Variants in BRWD1 observed in about 807,000 individuals in gnomAD.
BRWD1 encodes bromodomain and WD repeat-containing protein 1.
A neutral mutation model predicts 251.2 loss-of-function variants in BRWD1; 82 were observed. That is an observed-to-expected ratio of 0.33 (90% CI 0.27 to 0.39). The LOEUF is 0.39. Among genes scored for constraint, BRWD1 ranks in the 10% least tolerant of loss-of-function variants. The pLI, the probability that BRWD1 is intolerant of heterozygous loss-of-function variation, is 1.00. For synonymous variants in BRWD1, 918 were observed against 902.8 expected (o/e 1.02, Z -0.30); for missense variants, 2,233 against 2,711.6 (o/e 0.82, Z 3.92).
chr21:39,197,674 A>T (rs529698283), intron 40 of BRWD1, among the ~76,000 whole-genome samples: 1 of 152,256 alleles, frequency 6.6e-6, no homozygotes, highest in South Asian at 2.1e-4. Flanking sequence ...CCTACTACAC[A>T]TCTAGGTTAT....
chr21:39,208,664 T>C (rs1377248743), intron 36 of BRWD1, among the ~76,000 whole-genome samples: 1 of 152,132 alleles, frequency 6.6e-6, no homozygotes, highest in Non-Finnish European at 1.5e-5. Flanking sequence ...GTGGCTCTCA[T>C]GCCTCATTTC....
At position 39,194,625 on chromosome 21, in the gene BRWD1, TCTA is replaced by T; in HGVS notation, c.*1631_*1633del. ...ATCAGAGTAGAAAGAAAATGTACCT[TCTA>T]CTATGTCAAATGGAATAGATAACTA... On this transcript the variant is annotated 3_prime_UTR_variant, in exon 41 of 41. Transcript: ENST00000342449. 3.3e-6 allele frequency: 5 copies of T among 1,526,082 alleles called. No individual in the cohort carries two copies. The highest frequency in any genetic ancestry group is 2.6e-6 in the Non-Finnish European group (3 of 1,141,338). 94.5% of individuals were successfully genotyped at this position (1,526,082 alleles called of 1,614,324 possible).
chr21:39,228,234 G>A (rs2033461852), intron 27 of BRWD1, among the ~76,000 whole-genome samples: 1 of 152,144 alleles, frequency 6.6e-6, no homozygotes, highest in African/African-American at 2.4e-5. Context: ...GTTGCAGTGA[G>A]CTGAGATCAC....
Position 39,190,129 on chromosome 21 carries a change from G to C in BRWD1, c.*6130C>G, listed in dbSNP as rs1173586475. 1 of 984,634 alleles carries C rather than the reference G, an allele frequency of 1.0e-6. No homozygotes were observed. The highest frequency in any genetic ancestry group is 1.2e-6 in the Non-Finnish European group (1 of 829,470). The allele number at this position is 984,634 out of a possible 1,614,324, so 61.0% of individuals were successfully genotyped here. A position where few individuals can be genotyped will look rare whatever the true frequency, so the allele number is the denominator to read the frequency against. On this transcript the variant is annotated 3_prime_UTR_variant, in exon 41 of 41. Transcript: ENST00000342449. ...CACAGATATGTGTGTATTCTAAGATGGTATATGTGGTGAATAGAAACCTGG... is the reference window on the plus strand; with the variant it reads ...CACAGATATGTGTGTATTCTAAGATCGTATATGTGGTGAATAGAAACCTGG...
Position 39,292,356 on chromosome 21 carries a change from G to C in BRWD1, c.831+1455C>G, listed in dbSNP as rs566624278. 4.6e-4 allele frequency among the ~76,000 whole-genome samples: 70 copies of C among 152,296 alleles called. No homozygotes were observed. The South Asian group carries it at 0.014, about 31-fold the overall frequency. On this transcript the variant is annotated intron_variant, in intron 8 of 40. Transcript: ENST00000342449. ...ACTGACAGCCAAGAACCGTGCACTA[G>C]TAAGAGTAACATTTTCTGTCCCTAA...
chr21:39,290,578 A>G (rs766228178), intron 8 of BRWD1, among the ~76,000 whole-genome samples: 14 of 152,320 alleles, frequency 9.2e-5, no homozygotes, highest in Non-Finnish European at 2.1e-4. Flanking sequence ...CCCCCGTTAC[A>G]AGAAGAATCA....
chr21:39,292,928 G>GT (rs922543728), intron 8 of BRWD1, among the ~76,000 whole-genome samples: 2 of 152,036 alleles, frequency 1.3e-5, no homozygotes, highest in Non-Finnish European at 2.9e-5. Context: ...TGGTGTTGCA[G>GT]TTTTTTTAAA....
Position 39,193,425 on chromosome 21 carries a change from C to T in BRWD1, c.*2834G>A, listed in dbSNP as rs910658506. 5.1e-6 allele frequency: 5 copies of T among 984,504 alleles called. No homozygotes were observed. Among genetic ancestry groups the T allele is most frequent in the Non-Finnish European group, 4.8e-6 (4 of 829,284 alleles). 61.0% of individuals were successfully genotyped at this position (984,504 alleles called of 1,614,324 possible). On this transcript the variant is annotated 3_prime_UTR_variant, in exon 41 of 41. Transcript: ENST00000342449. ...TATACCTTTTTAAATAAGGAGGACA[C>T]GAAAAAAGAAAGCTTTGTTAACACT...
intron 18 of BRWD1, among the ~76,000 whole-genome samples, chr21:39,256,412 G>C (rs2034564342): frequency 6.6e-6 from 1 of 152,188 alleles, no homozygotes; most frequent in South Asian, 2.1e-4. Context: ...GAGCCACCAA[G>C]GCAAGTAGCT....
In BRWD1 at chr21:39,193,326, G is replaced by A. The variant is rs1174648672; in HGVS notation, c.*2933C>T. 16 of 984,964 alleles carry A rather than the reference G, an allele frequency of 1.6e-5. No individual in the cohort carries two copies. The highest frequency in any genetic ancestry group is 7.0e-5 in the African/African-American group (4 of 57,196). 61.0% of individuals were successfully genotyped at this position (984,964 alleles called of 1,614,324 possible). On this transcript the variant is annotated 3_prime_UTR_variant, in exon 41 of 41. Coordinates refer to ENST00000342449, the MANE Select transcript of BRWD1 (RefSeq NM_033656.4). ...CAGATATTTGCCACTTACAAAAAGG[G>A]AGGCTGACCTTAGGAATTATTTGAA...
chr21:39,290,538 T>A (rs1273642607), intron 8 of BRWD1, among the ~76,000 whole-genome samples: 1 of 150,656 alleles, frequency 6.6e-6, no homozygotes, highest in East Asian at 1.9e-4. Context: ...ATTGTTCAGA[T>A]ATATTCAGTA....
upstream of BRWD1, chr21:39,314,000 A>T: frequency 2.2e-6 from 1 of 446,216 alleles, no homozygotes; most frequent in Non-Finnish European, 4.5e-6. Context: ...CCCCCGTGGG[A>T]CCTGGGTCCT....
intron 13 of BRWD1, among the ~76,000 whole-genome samples, chr21:39,271,901 T>C (rs2035119963): frequency 6.7e-6 from 1 of 148,278 alleles, no homozygotes; most frequent in African/African-American, 2.5e-5. Flanking sequence ...TAGCTGGGCG[T>C]AGTGACAGGC....
chr21:39,316,312 ATAAGG>A (rs909115460), upstream of BRWD1, among the ~76,000 whole-genome samples: 19 of 152,214 alleles, frequency 1.2e-4, no homozygotes, highest in African/African-American at 4.1e-4. Context: ...GTGCCAACAA[ATAAGG>A]TAGGGCATAC....
At chr21:39,318,553 T>A (rs1223644169), upstream of BRWD1, among the ~76,000 whole-genome samples, 1 of 152,126 alleles carries the variant, frequency 6.6e-6, no homozygotes, top group South Asian at 2.1e-4. Context: ...AGAGGTGAAA[T>A]TAAATGCACA....
chr21:39,318,867 G>A (rs757601720), intron 1 of BRWD1, among the ~76,000 whole-genome samples: 2 of 152,134 alleles, frequency 1.3e-5, no homozygotes, highest in African/African-American at 2.4e-5. Context: ...TGATCCTCCC[G>A]CCTTGATCTT....
intron 7 of BRWD1, among the ~76,000 whole-genome samples, chr21:39,294,913 CCTAA>C (rs1485304920): frequency 6.6e-6 from 1 of 152,114 alleles, no homozygotes; most frequent in Non-Finnish European, 1.5e-5. Flanking sequence ...TCTCACCTCT[CCTAA>C]CTTACGCTTA....
rs537466846 is a variant in BRWD1 at position 39,194,222 on chromosome 21, A to G, written c.*2037T>C. 41 of 981,978 alleles carry G rather than the reference A, an allele frequency of 4.2e-5. No individual in the cohort carries two copies. Among genetic ancestry groups the G allele is most frequent in the Non-Finnish European group, 4.8e-5 (40 of 826,014 alleles). The allele number at this position is 981,978 out of a possible 1,614,324, so 60.8% of individuals were successfully genotyped here. ...TGTCAAAATATTGTTTTATACCAAA[A>G]GAATGTATGTACTTATGAATGTATT... On this transcript the variant is annotated 3_prime_UTR_variant, in exon 41 of 41. Coordinates refer to ENST00000342449, the MANE Select transcript of BRWD1 (RefSeq NM_033656.4).
chr21:39,266,270 C>A (rs1266881727), intron 15 of BRWD1, among the ~76,000 whole-genome samples: 1 of 67,772 alleles, frequency 1.5e-5, no homozygotes, highest in Non-Finnish European at 2.8e-5. Flanking sequence ...AATTCATATT[C>A]TCTTAACATA....
Sources: allele counts gnomAD v4.1 joint callset (sites outside exome capture counted in the v4.1 genomes callset), GRCh38; gene constraint gnomAD v4.1.1; transcripts MANE v1.5; gene names NCBI Gene and HGNC (gene_info 2026-07-23, HGNC 2026-07-21).